Variants in RNF150 observed in about 807,000 individuals in gnomAD.
RNF150 encodes ring finger protein 150.
A neutral mutation model predicts 39.3 loss-of-function variants in RNF150; 24 were observed. The ratio of observed to expected loss-of-function variants is 0.61; its 90% CI spans 0.44 to 0.86. The LOEUF is 0.86. Among genes scored for constraint, RNF150 ranks in the 40% least tolerant of loss-of-function variants. The pLI, the probability that RNF150 is intolerant of heterozygous loss-of-function variation, is 0.00. For synonymous variants in RNF150, 255 were observed against 227.3 expected (o/e 1.12, Z -1.10); for missense variants, 502 against 587.8 (o/e 0.85, Z 1.51).
At chr4:141,172,387 C>T (rs1404246292) in intron 1 of RNF150, among the ~76,000 whole-genome samples, 3 of 152,178 alleles carry the variant, frequency 2.0e-5, no homozygotes, top group Non-Finnish European at 4.4e-5. Flanking sequence ...GGGCAGTGCG[C>T]TCTTCACAGC....
rs916254195 is a variant in RNF150, at chr4:140,862,540, A to G, written c.*5721T>C. 1.3e-5 allele frequency: 2 copies of G among 152,208 alleles called. No individual in the cohort carries two copies. The highest frequency in any genetic ancestry group is 2.4e-5 in the African/African-American group (1 of 41,452). 9.4% of individuals were successfully genotyped at this position (152,208 alleles called of 1,614,324 possible). On this transcript the variant is annotated 3_prime_UTR_variant, in exon 7 of 7. Coordinates refer to ENST00000515673, the MANE Select transcript of RNF150 (RefSeq NM_020724.2). Reference sequence around the variant, plus strand: ...GTTCTGGGATGATAACTTGGTGTCAATAAAAGGTGTAGAGTGGAAGAGTGT... The same window carrying G: ...GTTCTGGGATGATAACTTGGTGTCAGTAAAAGGTGTAGAGTGGAAGAGTGT...
intron 1 of RNF150, 45 bp from the exon 2 acceptor site, chr4:140,967,918 A>C: frequency 1.9e-6 from 3 of 1,562,652 alleles, no homozygotes; most frequent in Non-Finnish European, 2.6e-6. Flanking sequence ...TTAGGGGATA[A>C]GATATGGGGG....
At chr4:141,048,196 T>C (rs13114670) in intron 1 of RNF150, among the ~76,000 whole-genome samples, 31,511 of 152,204 alleles carry the variant, frequency 0.21, 3,345 homozygotes, top group Middle Eastern at 0.29. Context: ...AGTAAAATAC[T>C]GTTTGCTGTA....
At chr4:141,027,926 GTTTTTTTTTTTTT>G (rs61543533) in intron 1 of RNF150, among the ~76,000 whole-genome samples, 4 of 69,126 alleles carry the variant, frequency 5.8e-5, no homozygotes, top group South Asian at 5.2e-4. Context: ...TTTTTTTTTT[GTTTTTTTTTTTTT>G]TTTTTTTTTT....
At position 141,000,010 on chromosome 4, in the gene RNF150, AGAAGAAGAAGAAGAAGAAG is replaced by A. The variant is rs1560678954; in HGVS notation, c.485-32156_485-32138del. On this transcript the variant is annotated intron_variant, in intron 1 of 6. Coordinates refer to ENST00000515673, the MANE Select transcript of RNF150 (RefSeq NM_020724.2). Reference sequence around the variant, plus strand: ...AAAGAAGAAAAGAAGAAGAAGAAGAAGAAGAAGAAGAAGAAGAAGAAGAAGAAGAAGAAGAAGAAGAAGA... The same window carrying A: ...AAAGAAGAAAAGAAGAAGAAGAAGAAAAGAAGAAGAAGAAGAAGAAGAAGA... Among the ~76,000 whole-genome samples the A allele has an allele frequency of 3.2e-4, 12 of 37,360 alleles. 3 individuals carry two copies. The highest frequency in any genetic ancestry group is 1.0e-3 in the South Asian group (1 of 980). The allele number at this position is 37,360 out of a possible 152,430, so 24.5% of individuals were successfully genotyped here.
chr4:141,082,870 G>A (rs911970496), intron 1 of RNF150, among the ~76,000 whole-genome samples: 28 of 152,140 alleles, frequency 1.8e-4, no homozygotes, highest in African/African-American at 6.8e-4. Context: ...TTTTTACATA[G>A]TATGTTAGCT....
chr4:140,991,300 T>TG (rs775384338), intron 1 of RNF150, among the ~76,000 whole-genome samples: 13 of 152,198 alleles, frequency 8.5e-5, no homozygotes, highest in Non-Finnish European at 1.8e-4. Flanking sequence ...GCAGGTTGCC[T>TG]GTTCACTCTG....
At chr4:141,159,457 A>C (rs1026935694) in intron 1 of RNF150, among the ~76,000 whole-genome samples, 2 of 152,200 alleles carry the variant, frequency 1.3e-5, no homozygotes, top group African/African-American at 4.8e-5. Flanking sequence ...AATCTCTACC[A>C]AAACAAGCAG....
chr4:140,906,028 T>A (rs1443142994), intron 6 of RNF150, among the ~76,000 whole-genome samples: 1 of 152,100 alleles, frequency 6.6e-6, no homozygotes, highest in East Asian at 1.9e-4. Context: ...GTTTTTTGAA[T>A]TACAAGGGAA....
At chr4:140,922,485 G>C (rs1380783733) in intron 5 of RNF150, among the ~76,000 whole-genome samples, 3 of 151,866 alleles carry the variant, frequency 2.0e-5, no homozygotes, top group African/African-American at 7.3e-5. Context: ...CAAAGAAATG[G>C]AAGAACATTC....
At position 140,994,329 on chromosome 4, in the gene RNF150, T is replaced by A. The variant is rs1038505525; in HGVS notation, c.485-26456A>T. Among the ~76,000 whole-genome samples the A allele has an allele frequency of 4.6e-5, 7 of 152,320 alleles. No individual in the cohort carries two copies. The South Asian group carries it at 1.0e-3, about 23-fold the overall frequency. ...CTTGAAGGCAAAGGCCCAAAGGATA[T>A]GACAGAAGGGGTGCTCAAAGTCCCA... is the stretch of plus-strand genomic sequence containing the variant. On this transcript the variant is annotated intron_variant, in intron 1 of 6. Transcript: ENST00000515673.
rs1728768702 is a variant in RNF150, at chr4:140,867,759, A to T, written c.*502T>A. On this transcript the variant is annotated 3_prime_UTR_variant, in exon 7 of 7. Coordinates refer to ENST00000515673, the MANE Select transcript of RNF150 (RefSeq NM_020724.2). ...TCAAGACCACATATCTCAGAGATGG[A>T]ATACAAACTGATCATAGCAGGAACT... The T allele has an allele frequency of 6.5e-6, 1 of 153,088 alleles. No individual in the cohort carries two copies. Among genetic ancestry groups the T allele is most frequent in the Non-Finnish European group, 1.5e-5 (1 of 68,706 alleles). The allele number at this position is 153,088 out of a possible 1,614,324, so 9.5% of individuals were successfully genotyped here.
upstream of RNF150, among the ~76,000 whole-genome samples, chr4:141,134,148 G>T (rs568388684): frequency 1.3e-4 from 20 of 152,308 alleles, no homozygotes; most frequent in South Asian, 3.9e-3. Flanking sequence ...GATTGTCATG[G>T]CTGGGAACAG....
intron 1 of RNF150, among the ~76,000 whole-genome samples, chr4:141,093,016 A>G (rs1337177922): frequency 6.6e-6 from 1 of 152,136 alleles, no homozygotes; most frequent in East Asian, 1.9e-4. Context: ...GCCTTGAGCC[A>G]GACCCATGGG....
intron 1 of RNF150, among the ~76,000 whole-genome samples, chr4:141,027,421 A>C (rs1723335271): frequency 1.3e-5 from 2 of 149,564 alleles, no homozygotes; most frequent in South Asian, 2.1e-4. Context: ...CAGACACACA[A>C]ATCTACACAG....
chr4:141,111,278 T>C (rs1238265842), intron 1 of RNF150, among the ~76,000 whole-genome samples: 1 of 152,214 alleles, frequency 6.6e-6, no homozygotes, highest in African/African-American at 2.4e-5. Flanking sequence ...TAGGGCTTCA[T>C]GTTTTTCATT....
intron 1 of RNF150, among the ~76,000 whole-genome samples, chr4:140,975,518 G>A (rs1560995656): frequency 6.6e-6 from 1 of 152,090 alleles, no homozygotes; most frequent in Non-Finnish European, 1.5e-5. Context: ...CTGCTGCATA[G>A]AATCTTCCCT....
intron 1 of RNF150, among the ~76,000 whole-genome samples, chr4:141,068,107 A>G (rs1197028786): frequency 3.3e-5 from 5 of 152,022 alleles, no homozygotes; most frequent in Non-Finnish European, 4.4e-5. Context: ...CACCATGCCC[A>G]GCTAATTTTG....
At chr4:140,923,470 A>T (rs949971409) in intron 5 of RNF150, among the ~76,000 whole-genome samples, 2 of 152,188 alleles carry the variant, frequency 1.3e-5, no homozygotes, top group Non-Finnish European at 2.9e-5. Context: ...GTCAGGAAAC[A>T]ACAGGTGCTG....
Sources: allele counts gnomAD v4.1 joint callset (sites outside exome capture counted in the v4.1 genomes callset), GRCh38; gene constraint gnomAD v4.1.1; transcripts MANE v1.5; gene names NCBI Gene and HGNC (gene_info 2026-07-23, HGNC 2026-07-21).